The following SPTA1 variants were observed in gnomAD, a reference collection of about 807,000 sequenced individuals.
SPTA1 encodes spectrin alpha chain, erythrocytic 1.
SPTA1 carries 177 observed loss-of-function variants against 324.7 expected under a neutral mutation model. The observed-to-expected ratio is 0.55, with a 90% CI of 0.48 to 0.62. The LOEUF is 0.62. Among genes scored for constraint, SPTA1 ranks in the 20% least tolerant of loss-of-function variants. SPTA1 has a pLI of 0.00. For missense variants in SPTA1, 3,162 were observed against 2,883.6 expected (o/e 1.10, Z -2.21); for synonymous variants, 1,195 against 1,041.3 (o/e 1.15, Z -2.84).
chr1:158,615,875 T>C (rs1232371150), intron 47 of SPTA1, among the ~76,000 whole-genome samples: 1 of 152,192 alleles, frequency 6.6e-6, no homozygotes, highest in Non-Finnish European at 1.5e-5. Context: ...AGCTCCACAG[T>C]GTTCACTCCT....
At chr1:158,681,226 TAGG>T (rs1654785599) in intron 4 of SPTA1, among the ~76,000 whole-genome samples, 1 of 152,108 alleles carries the variant, frequency 6.6e-6, no homozygotes, top group East Asian at 1.9e-4. Flanking sequence ...AGCAAAAACA[TAGG>T]AGAAGGAGTT....
In SPTA1 at chr1:158,644,339, G is replaced by C. The variant is rs758660868; in HGVS notation, c.4252C>G (p.Leu1418Val). 1.9e-6 allele frequency: 3 copies of C among 1,613,870 alleles called. No individual in the cohort carries two copies. The change falls in exon 30 of 52, where the codon CTG (leucine) becomes GTG (valine). Residue 1418 changes from leucine to valine, a missense_variant. Coordinates refer to ENST00000643759, the MANE Select transcript of SPTA1 (RefSeq NM_003126.4). The stretch of plus-strand genomic sequence containing the variant: ...AAGGAACTTTTGTCATCTGACCTCA[G>C]GGAATTCTCACGTGCCACCATCCAG... ...ESWMVARENS[L>V]RSDDKSSLDS... is the part of the protein sequence containing the mutation.
chr1:158,615,667 C>CATCTAT, intron 47 of SPTA1, among the ~76,000 whole-genome samples: 1 of 151,768 alleles, frequency 6.6e-6, no homozygotes, highest in South Asian at 2.1e-4. Flanking sequence ...CACACACATA[C>CATCTAT]ATCTATATCT....
chr1:158,639,948 T>C lies in SPTA1; in HGVS notation c.4797A>G (p.Lys1599=). ...WDHLLERTND[K]GKKLNEASRQ... ...GACTGGCCTCATTGAGCTTCTTCCC[T>C]TTGTCATTTGTTCTCTCAAGCAGAT... The change falls in exon 34 of 52, where the codon AAA becomes AAG. Residue 1599 remains lysine (K), a synonymous_variant. Coordinates refer to ENST00000643759, the MANE Select transcript of SPTA1 (RefSeq NM_003126.4). 1 of 1,613,926 alleles carries C rather than the reference T, an allele frequency of 6.2e-7. No homozygotes were observed. Among genetic ancestry groups the C allele is most frequent in the Non-Finnish European group, 8.5e-7 (1 of 1,179,914 alleles).
At position 158,635,834 on chromosome 1, in the gene SPTA1, AG is replaced by A. The variant is rs1213719267; in HGVS notation, c.5432+78del. ...TTGGGGATAGCAGACAATGCTGAGC[AG>A]GCACTTAAGTATCCTCCCAACACCT... On this transcript the variant is annotated intron_variant, in intron 38 of 51. Coordinates refer to ENST00000643759, the MANE Select transcript of SPTA1 (RefSeq NM_003126.4). 9.8e-5 allele frequency: 157 copies of A among 1,602,556 alleles called. 1 individual carries two copies. The East Asian group carries it at 3.4e-3, about 35-fold the overall frequency.
Position 158,643,326 on chromosome 1 carries a change from C to G in SPTA1, c.4438G>C (p.Asp1480His), listed in dbSNP as rs778309791. Reference sequence around the variant, plus strand: ...AAACAATCACTCAGGCCTGACCTGTCTAGTACACGTTGGAGCCGCGTAGCA... The same window carrying G: ...AAACAATCACTCAGGCCTGACCTGTGTAGTACACGTTGGAGCCGCGTAGCA... ...EIATRLQRVL[D>H]RWKALKAQLI... is the part of the protein sequence containing the mutation. The change falls in exon 31 of 52, where the codon GAC (aspartate) becomes CAC (histidine). Residue 1480 changes from aspartate to histidine, a missense_variant. Physicochemically the swap from Asp to His is moderately conservative, Grantham distance 81. Transcript: ENST00000643759. 2 of 1,613,870 alleles carry G rather than the reference C, an allele frequency of 1.2e-6. No homozygotes were observed. The highest frequency in any genetic ancestry group is 2.2e-5 in the South Asian group (2 of 91,072).
Position 158,640,023 on chromosome 1 carries a change from TGAG to T in SPTA1, c.4738-19_4738-17del. 6.2e-7 allele frequency: 1 copy of T among 1,613,400 alleles called. No homozygotes were observed. Among genetic ancestry groups the T allele is most frequent in the Middle Eastern group, 1.7e-4 (1 of 6,050 alleles). ...CCAGTTGCTCCTAACCCAAGGAGAG[TGAG>T]GAGTCATTACAATCTTTAGGATCCC... On this transcript the variant is annotated splice_polypyrimidine_tract_variant and intron_variant, in intron 33 of 51. Coordinates refer to ENST00000643759, the MANE Select transcript of SPTA1 (RefSeq NM_003126.4).
At position 158,645,399 on chromosome 1, in the gene SPTA1, G is replaced by C. The variant is rs1483705449; in HGVS notation, c.3997-14C>G. Reference sequence around the variant, plus strand: ...AGCACGGTGCTCCTGTGGGAAAAAGGGGGAAGAAATCAGTGAGGCCAACTC... The same window carrying C: ...AGCACGGTGCTCCTGTGGGAAAAAGCGGGAAGAAATCAGTGAGGCCAACTC... On this transcript the variant is annotated splice_polypyrimidine_tract_variant and intron_variant, in intron 28 of 51. Transcript: ENST00000643759. 3.1e-6 allele frequency: 5 copies of C among 1,613,942 alleles called. No homozygotes were observed. In the South Asian group the frequency reaches 4.4e-5, roughly 14 times the overall value.
chr1:158,671,376 C>A lies in SPTA1; in HGVS notation c.1566G>T (p.Glu522Asp), dbSNP rs1654013226. 3 of 1,613,574 alleles carry A rather than the reference C, an allele frequency of 1.9e-6. No homozygotes were observed. Among genetic ancestry groups the A allele is most frequent in the Non-Finnish European group, 2.5e-6 (3 of 1,179,886 alleles). ...EALLQKHEDF[E>D]EAFTAQEEKI... ...TCTCTTCCTGGGCAGTAAAGGCTTC[C>A]TCAAAGTCTTCATGCTTCTGAAGAA... is the stretch of plus-strand genomic sequence containing the variant. Residue 522 changes from glutamate (E) to aspartate (D), a missense_variant, in exon 12 of 52, where the codon GAG (glutamate) becomes GAT (aspartate). Glu to Asp is a conservative substitution (Grantham distance 45). Transcript: ENST00000643759.
intron 33 of SPTA1, among the ~76,000 whole-genome samples, chr1:158,641,553 GA>G (rs1476807835): frequency 3.3e-5 from 5 of 152,116 alleles, no homozygotes; most frequent in Admixed American, 1.3e-4. Context: ...AAAGACACAT[GA>G]AAAAATGCTC....
At chr1:158,614,998 G>A in intron 48 of SPTA1, 1 of 552,484 alleles carries the variant, frequency 1.8e-6, no homozygotes, top group Non-Finnish European at 3.2e-6. Context: ...CCAAGTGGGT[G>A]ATGAGTAGGC....
chr1:158,640,072 A>G, intron 33 of SPTA1, 65 bp from the exon 34 acceptor site: 2 of 1,610,926 alleles, frequency 1.2e-6, no homozygotes, highest in African/African-American at 1.3e-5. Flanking sequence ...ACTACTTGAG[A>G]GAATAATGTA....
intron 1 of SPTA1, 75 bp from the exon 2 acceptor site, chr1:158,685,422 G>C (rs1655106303): frequency 6.3e-7 from 1 of 1,590,228 alleles, no homozygotes; most frequent in African/African-American, 1.3e-5. Flanking sequence ...ATGTGTCAAG[G>C]TGTTTACTCA....
At chr1:158,683,291 G>A in intron 3 of SPTA1, 80 bp downstream of exon 3, 6 of 1,602,966 alleles carry the variant, frequency 3.7e-6, no homozygotes, top group East Asian at 2.2e-5. Flanking sequence ...GCCACTCAAG[G>A]TTTATATCTC....
intron 5 of SPTA1, among the ~76,000 whole-genome samples, chr1:158,679,457 T>A (rs762139931): frequency 4.6e-5 from 7 of 152,050 alleles, no homozygotes; most frequent in Non-Finnish European, 1.0e-4. Context: ...TTTCTATGAG[T>A]TCCAGCACCT....
chr1:158,642,672 G>T (rs1038600513), intron 32 of SPTA1, 130 bp from the exon 33 acceptor site: 4 of 1,564,914 alleles, frequency 2.6e-6, no homozygotes, highest in Non-Finnish European at 3.5e-6. Context: ...TGAAGAACCT[G>T]CTCCACATCA....
intron 7 of SPTA1, among the ~76,000 whole-genome samples, chr1:158,677,208 A>C (rs1654445916): frequency 2.0e-5 from 3 of 152,172 alleles, no homozygotes; most frequent in Non-Finnish European, 2.9e-5. Flanking sequence ...CAGGTTTTAA[A>C]AGGAAACCTA....
intron 14 of SPTA1, among the ~76,000 whole-genome samples, 156 bp downstream of exon 14, chr1:158,669,251 GC>G (rs1653827242): frequency 6.6e-6 from 1 of 152,118 alleles, no homozygotes; most frequent in Non-Finnish European, 1.5e-5. Flanking sequence ...TGTATAAATA[GC>G]CTTCAGGGAT....
At chr1:158,662,053 C>T (rs1012366853) in intron 17 of SPTA1, among the ~76,000 whole-genome samples, 2 of 152,132 alleles carry the variant, frequency 1.3e-5, no homozygotes, top group South Asian at 2.1e-4. Flanking sequence ...TTACTACTTC[C>T]CATTCAAAAT....
Sources: gnomAD v4.1 joint callset for allele counts (sites outside exome capture counted in the v4.1 genomes callset) on GRCh38, gnomAD v4.1.1 for gene constraint, MANE v1.5 for transcripts, NCBI Gene and HGNC (gene_info 2026-07-23, HGNC 2026-07-21) for gene names.